Variants in CENPH observed in about 807,000 individuals in gnomAD.
CENPH encodes the protein centromere protein H.
In CENPH, 40 loss-of-function variants were observed where a neutral mutation model predicts 42.9. The ratio of observed to expected loss-of-function variants is 0.93; its 90% CI spans 0.72 to 1.21. CENPH has a LOEUF of 1.21. Ranked by LOEUF, CENPH falls within the 50% of genes most tolerant of loss-of-function variation. The pLI is 0.00. For synonymous variants in CENPH, 88 were observed against 96.5 expected (o/e 0.91, Z 0.52); for missense variants, 302 against 292.9 (o/e 1.03, Z -0.23).
In CENPH at chr5:69,189,696, G is replaced by A; in HGVS notation, c.62G>A (p.Arg21Gln). ...CCCGCGGACTCCGGAGGGGAAGGCC[G>A]GGCAGGCGGGCCACCGCAGGTCGCC... ...DEPADSGGEG[R>Q]AGGPPQVAGA... The change falls in exon 1 of 9, where the codon CGG becomes CAG. Residue 21 changes from arginine (R) to glutamine (Q), a missense_variant. Transcript: ENST00000283006. 1.9e-6 allele frequency: 3 copies of A among 1,581,764 alleles called. No individual in the cohort carries two copies. Among genetic ancestry groups the A allele is most frequent in the South Asian group, 2.3e-5 (2 of 87,716 alleles).
chr5:69,197,960 G>T (rs1483572814), intron 5 of CENPH, among the ~76,000 whole-genome samples: 5 of 110,434 alleles, frequency 4.5e-5, no homozygotes, highest in African/African-American at 1.8e-4. Flanking sequence ...TTGCTCTGTC[G>T]CCCAGGCCGG....
rs766512655 is a variant in CENPH at position 69,189,694 on chromosome 5, C to T, written c.60C>T (p.Gly20=). The T allele has an allele frequency of 6.3e-7, 1 of 1,586,624 alleles. No individual in the cohort carries two copies. Among genetic ancestry groups the T allele is most frequent in the Non-Finnish European group, 8.6e-7 (1 of 1,168,684 alleles). Residue 20 remains glycine, a synonymous_variant, in exon 1 of 9, where the codon GGC becomes GGT. Transcript: ENST00000283006. ...AGCCCGCGGACTCCGGAGGGGAAGG[C>T]CGGGCAGGCGGGCCACCGCAGGTCG... ...ADEPADSGGE[G]RAGGPPQVAG...
At chr5:69,206,852 C>G (rs1748168292) in intron 7 of CENPH, among the ~76,000 whole-genome samples, 1 of 148,396 alleles carries the variant, frequency 6.7e-6, no homozygotes, top group African/African-American at 2.5e-5. Flanking sequence ...ATCTCAGGGT[C>G]ATTAGTAGTA....
chr5:69,195,864 T>C, intron 4 of CENPH, 73 bp downstream of exon 4: 25 of 704,990 alleles, frequency 3.5e-5, no homozygotes, highest in Non-Finnish European at 5.2e-5. Context: ...GTGGAGGGAA[T>C]CTTTTAACTG....
intron 2 of CENPH, among the ~76,000 whole-genome samples, chr5:69,194,352 T>A (rs1747929340): frequency 6.6e-6 from 1 of 152,194 alleles, no homozygotes; most frequent in Non-Finnish European, 1.5e-5. Context: ...TTTCACTATG[T>A]TGCCCAGGCT....
At chr5:69,206,065 A>G (rs1580230233) in intron 7 of CENPH, among the ~76,000 whole-genome samples, 1 of 151,720 alleles carries the variant, frequency 6.6e-6, no homozygotes, top group Admixed American at 6.6e-5. Flanking sequence ...TTCATTCACC[A>G]TGTTACACAG....
chr5:69,205,424 C>T (rs1008725206), intron 7 of CENPH, among the ~76,000 whole-genome samples: 1 of 151,656 alleles, frequency 6.6e-6, no homozygotes, highest in African/African-American at 2.4e-5. Context: ...CAGGGTTTCA[C>T]CATGTTGTCC....
At chr5:69,201,283 A>G (rs1748056464) in intron 5 of CENPH, among the ~76,000 whole-genome samples, 1 of 152,126 alleles carries the variant, frequency 6.6e-6, no homozygotes, top group South Asian at 2.1e-4. Context: ...CTAGGCAATT[A>G]CTTCATATCC....
intron 2 of CENPH, 146 bp from the exon 3 acceptor site, chr5:69,194,501 A>C (rs1580223973): frequency 5.7e-6 from 3 of 524,450 alleles, no homozygotes; most frequent in Non-Finnish European, 6.9e-6. Flanking sequence ...AAATAAGTAT[A>C]TTAAAATTAA....
intron 5 of CENPH, among the ~76,000 whole-genome samples, chr5:69,200,158 A>G (rs972896236): frequency 6.6e-6 from 1 of 151,642 alleles, no homozygotes; most frequent in Admixed American, 6.6e-5. Flanking sequence ...AGGCTGAGGC[A>G]GTGTTTTATT....
At chr5:69,204,275 T>C (rs192429903) in intron 7 of CENPH, among the ~76,000 whole-genome samples, 1 of 151,510 alleles carries the variant, frequency 6.6e-6, no homozygotes, top group African/African-American at 2.4e-5. Flanking sequence ...CATCAAAAGA[T>C]AATCAGTCTT....
intron 2 of CENPH, among the ~76,000 whole-genome samples, chr5:69,192,994 G>A (rs1424299949): frequency 6.6e-6 from 1 of 151,636 alleles, no homozygotes; most frequent in Non-Finnish European, 1.5e-5. Flanking sequence ...TACTCGGGGA[G>A]GCTGAGGCAG....
chr5:69,195,745 G>A lies in CENPH; in HGVS notation c.268G>A (p.Glu90Lys), dbSNP rs749788756. The change falls in exon 4 of 9, where the codon GAA (glutamate) becomes AAA (lysine). Residue 90 changes from glutamate to lysine, a missense_variant. Physicochemically the swap from Glu to Lys is moderately conservative, Grantham distance 56. Coordinates refer to ENST00000283006, the MANE Select transcript of CENPH (RefSeq NM_022909.4). The stretch of plus-strand genomic sequence containing the variant: ...AATTGAAGACCTGGAAAATGAAATT[G>A]AAGAGGTAAAAGTTGCTTTTGAGAT... ...AKIEDLENEI[E>K]EVKVAFEIKK... 1.3e-6 allele frequency: 2 copies of A among 1,563,106 alleles called. No homozygotes were observed. The highest frequency in any genetic ancestry group is 3.8e-5 in the Admixed American group (2 of 51,962).
intron 7 of CENPH, 87 bp from the exon 8 acceptor site, chr5:69,208,109 C>A: frequency 1.5e-6 from 1 of 662,546 alleles, no homozygotes; most frequent in South Asian, 3.6e-5. Flanking sequence ...CTAAAATAAC[C>A]AAGAAGTGAT....
At position 69,194,704 on chromosome 5, in the gene CENPH, T is replaced by C. The variant is rs1747934938; in HGVS notation, c.239+9T>C. 6.5e-7 allele frequency: 1 copy of C among 1,548,916 alleles called. No homozygotes were observed. Among genetic ancestry groups the C allele is most frequent in the Non-Finnish European group, 8.8e-7 (1 of 1,136,610 alleles). ...GAAAAGCAAATCGAAGCGTATGTTATATTTAAAAATTTTGTTTATGGTCTT... is the reference window on the plus strand; with the variant it reads ...GAAAAGCAAATCGAAGCGTATGTTACATTTAAAAATTTTGTTTATGGTCTT... On this transcript the variant is annotated intron_variant, in intron 3 of 8. Coordinates refer to ENST00000283006, the MANE Select transcript of CENPH (RefSeq NM_022909.4).
intron 7 of CENPH, 98 bp downstream of exon 7, chr5:69,203,068 G>A (rs572450263): frequency 3.4e-5 from 28 of 815,558 alleles, no homozygotes; most frequent in Non-Finnish European, 4.7e-5. Flanking sequence ...CCTAATTTCC[G>A]ACTTCCAAAA....
intron 5 of CENPH, among the ~76,000 whole-genome samples, chr5:69,198,241 C>A (rs774277693): frequency 3.6e-4 from 54 of 151,894 alleles, no homozygotes; most frequent in Non-Finnish European, 6.3e-4. Flanking sequence ...ATCTTATCTC[C>A]CAAAGTTCTT....
At chr5:69,190,068 T>G (rs1747841814) in intron 1 of CENPH, among the ~76,000 whole-genome samples, 1 of 152,176 alleles carries the variant, frequency 6.6e-6, no homozygotes, top group Non-Finnish European at 1.5e-5. Flanking sequence ...CCTACCTCTC[T>G]GGTTTACAGA....
intron 4 of CENPH, 59 bp downstream of exon 4, chr5:69,195,850 G>A: frequency 2.5e-6 from 2 of 791,236 alleles, no homozygotes; most frequent in Non-Finnish European, 4.3e-6. Flanking sequence ...GGTATGAGGG[G>A]AAAGTGGAGG....
Sources: gnomAD v4.1 joint callset for allele counts (sites outside exome capture counted in the v4.1 genomes callset) on GRCh38, gnomAD v4.1.1 for gene constraint, MANE v1.5 for transcripts, NCBI Gene and HGNC (gene_info 2026-07-23, HGNC 2026-07-21) for gene names.